Variants in C1orf21 observed in about 807,000 individuals in gnomAD.
The protein encoded by C1orf21 is uncharacterized protein C1orf21.
In C1orf21, 3 loss-of-function variants were observed where a neutral mutation model predicts 18.7. The observed-to-expected ratio is 0.16, with a 90% CI of 0.07 to 0.42. C1orf21 has a LOEUF of 0.42. Among genes scored for constraint, C1orf21 ranks in the 10% least tolerant of loss-of-function variants. The probability of loss-of-function intolerance (pLI) is 0.99; values close to 1 mark genes in which losing one functional copy is unlikely to be tolerated. For missense variants in C1orf21, 104 were observed against 143.6 expected (o/e 0.72, Z 1.41); for synonymous variants, 41 against 46.4 (o/e 0.88, Z 0.47).
chr1:184,587,415 A>G (rs1339101251), intron 3 of C1orf21, among the ~76,000 whole-genome samples: 1 of 151,882 alleles, frequency 6.6e-6, no homozygotes, highest in African/African-American at 2.4e-5. Context: ...CTTTCTATCC[A>G]TAAACGTGGA....
chr1:184,439,988 C>A (rs1434695761), intron 1 of C1orf21, among the ~76,000 whole-genome samples: 1 of 152,178 alleles, frequency 6.6e-6, no homozygotes, highest in East Asian at 1.9e-4. Context: ...TCCAAAGACA[C>A]TGAACCCTGA....
chr1:184,544,613 A>G (rs190224150), intron 3 of C1orf21, among the ~76,000 whole-genome samples: 93 of 152,332 alleles, frequency 6.1e-4, no homozygotes, highest in African/African-American at 2.1e-3. Context: ...TACTGCTACG[A>G]CTTCACCATA....
intron 5 of C1orf21, among the ~76,000 whole-genome samples, chr1:184,616,418 A>C (rs1306406760): frequency 1.3e-5 from 2 of 152,250 alleles, no homozygotes; most frequent in African/African-American, 4.8e-5. Context: ...AATATCTGCA[A>C]AGCAGCTAAT....
intron 1 of C1orf21, among the ~76,000 whole-genome samples, chr1:184,429,209 TG>T (rs1393139642): frequency 6.6e-6 from 1 of 152,174 alleles, no homozygotes; most frequent in Non-Finnish European, 1.5e-5. Flanking sequence ...CTTGTAGAAA[TG>T]GACCTCAGCA....
In C1orf21 at chr1:184,460,825, C is replaced by G. The variant is rs112742672; in HGVS notation, c.-124-16561C>G. Among the ~76,000 whole-genome samples, 158 of 150,170 alleles carry G rather than the reference C, an allele frequency of 1.1e-3. 2 individuals carry two copies. Among genetic ancestry groups the G allele is most frequent in the African/African-American group, 3.9e-3 (157 of 40,736 alleles). The stretch of plus-strand genomic sequence containing the variant: ...GCCTCCCTAGTATCTTCTAAGTAAT[C>G]TAGATAAGACAGAGCCAATGTGTGT... On this transcript the variant is annotated intron_variant, in intron 1 of 5. Transcript: ENST00000235307.
chr1:184,575,337 A>G (rs768789983), intron 3 of C1orf21, among the ~76,000 whole-genome samples: 19 of 152,214 alleles, frequency 1.2e-4, no homozygotes, highest in Non-Finnish European at 2.5e-4. Context: ...ATTGTAAAAT[A>G]ATTATAGCAC....
At chr1:184,466,336 G>T (rs914911537) in intron 1 of C1orf21, among the ~76,000 whole-genome samples, 2 of 152,166 alleles carry the variant, frequency 1.3e-5, no homozygotes, top group Non-Finnish European at 2.9e-5. Flanking sequence ...GGAGTAATGA[G>T]CAAACTCGTC....
rs1657247610 is a variant in C1orf21, at chr1:184,458,047, C to T, written c.-124-19339C>T. ...GGAAACTGAGATTTAGAGTAATTAA[C>T]TTTCTCTGGGTCTCATAGTTGGTAC... is the stretch of plus-strand genomic sequence containing the variant. On this transcript the variant is annotated intron_variant, in intron 1 of 5. Coordinates refer to ENST00000235307, the MANE Select transcript of C1orf21 (RefSeq NM_030806.4). 2.6e-5 allele frequency among the ~76,000 whole-genome samples: 4 copies of T among 152,124 alleles called. No individual in the cohort carries two copies. The South Asian group carries it at 8.3e-4, about 32-fold the overall frequency.
chr1:184,612,954 CT>C (rs1659761122), intron 5 of C1orf21, among the ~76,000 whole-genome samples: 4 of 151,178 alleles, frequency 2.6e-5, no homozygotes, highest in South Asian at 4.2e-4. Flanking sequence ...CTTTTCCTTC[CT>C]TTTTTTTTCT....
At chr1:184,542,523 T>C (rs963469440) in intron 3 of C1orf21, 1 of 152,072 alleles carries the variant, frequency 6.6e-6, no homozygotes, top group Non-Finnish European at 1.5e-5. Flanking sequence ...ACAAAACATA[T>C]GTTTGTTTTG....
Position 184,549,671 on chromosome 1 carries a change from G to A in C1orf21, c.190-41068G>A, listed in dbSNP as rs576777885. On this transcript the variant is annotated intron_variant, in intron 3 of 5. Coordinates refer to ENST00000235307, the MANE Select transcript of C1orf21 (RefSeq NM_030806.4). ...TAAAAATTCAGGAGTGGAGCAGCAG[G>A]GAAGGAAGGGACTGCCAACCAGGCA... is the stretch of plus-strand genomic sequence containing the variant. 2.2e-4 allele frequency among the ~76,000 whole-genome samples: 34 copies of A among 151,848 alleles called. No homozygotes were observed. In the South Asian group the frequency reaches 6.9e-3, roughly 31 times the overall value.
At chr1:184,410,659 A>AT (rs1260228494) in intron 1 of C1orf21, among the ~76,000 whole-genome samples, 44 of 6,092 alleles carry the variant, frequency 7.2e-3, no homozygotes, top group Non-Finnish European at 9.8e-3. Flanking sequence ...ATATATATAT[A>AT]TATATTTTTT....
Position 184,440,321 on chromosome 1 carries a change from C to T in C1orf21, c.-124-37065C>T, listed in dbSNP as rs1656923285. 7.2e-5 allele frequency among the ~76,000 whole-genome samples: 11 copies of T among 152,350 alleles called. No homozygotes were observed. The South Asian group carries it at 2.3e-3, about 32-fold the overall frequency. On this transcript the variant is annotated intron_variant, in intron 1 of 5. Coordinates refer to ENST00000235307, the MANE Select transcript of C1orf21 (RefSeq NM_030806.4). ...GCAGTGGCACAATCTCGGTTCACTG[C>T]AACCTCTGCCTCCCGGGTCCAAGCA...
At position 184,626,627 on chromosome 1, in the gene C1orf21, TGTG is replaced by T. The variant is rs1393310397; in HGVS notation, c.*7074_*7076del. ...GCTGAGGTCCTCCAGACAGGTAAGG[TGTG>T]GTCACAATCAGGGCCGGGGTTTCCC... On this transcript the variant is annotated 3_prime_UTR_variant, in exon 6 of 6. Coordinates refer to ENST00000235307, the MANE Select transcript of C1orf21 (RefSeq NM_030806.4). The T allele has an allele frequency of 6.6e-6, 1 of 152,400 alleles. No homozygotes were observed. The highest frequency in any genetic ancestry group is 1.5e-5 in the Non-Finnish European group (1 of 68,286). 9.4% of individuals were successfully genotyped at this position (152,400 alleles called of 1,614,324 possible).
intron 3 of C1orf21, among the ~76,000 whole-genome samples, chr1:184,586,661 T>C (rs1300183054): frequency 6.6e-6 from 1 of 152,212 alleles, no homozygotes; most frequent in Non-Finnish European, 1.5e-5. Flanking sequence ...TGCTGGATAT[T>C]AGACCTTGTC....
At chr1:184,456,076 A>C (rs997393096) in intron 1 of C1orf21, among the ~76,000 whole-genome samples, 1 of 152,186 alleles carries the variant, frequency 6.6e-6, no homozygotes, top group African/African-American at 2.4e-5. Context: ...CAGAATGTTA[A>C]AGCAGCCTTC....
At chr1:184,525,029 T>A (rs181649766) in intron 3 of C1orf21, among the ~76,000 whole-genome samples, 5 of 151,836 alleles carry the variant, frequency 3.3e-5, no homozygotes, top group African/African-American at 1.2e-4. Flanking sequence ...AATTTTTTTC[T>A]CCCTAAAGAG....
intron 3 of C1orf21, chr1:184,566,695 A>G: frequency 2.6e-6 from 1 of 381,608 alleles, no homozygotes; most frequent in Non-Finnish European, 5.3e-6. Context: ...AAGTGTCAAA[A>G]AGGACAAAAA....
Position 184,457,883 on chromosome 1 carries a change from C to T in C1orf21, c.-124-19503C>T, listed in dbSNP as rs147626888. Among the ~76,000 whole-genome samples, 513 of 152,216 alleles carry T rather than the reference C, an allele frequency of 3.4e-3. 10 individuals are homozygous for T. Among genetic ancestry groups the T allele is most frequent in the Admixed American group, 0.028 (430 of 15,282 alleles). ...GCATGTGTACTTCCTGATAAGTATT[C>T]GCTTATTTATAAGGATAGATATCTT... On this transcript the variant is annotated intron_variant, in intron 1 of 5. Transcript: ENST00000235307.
Sources: gnomAD v4.1 joint callset for allele counts (sites outside exome capture counted in the v4.1 genomes callset) on GRCh38, gnomAD v4.1.1 for gene constraint, MANE v1.5 for transcripts, NCBI Gene and HGNC (gene_info 2026-07-23, HGNC 2026-07-21) for gene names.